Variants in DLGAP2 observed in about 807,000 individuals in gnomAD.
DLGAP2 encodes the protein DLG associated protein 2.
A neutral mutation model predicts 100.3 loss-of-function variants in DLGAP2; 26 were observed. That is an observed-to-expected ratio of 0.26 (90% confidence interval 0.19 to 0.36). DLGAP2 has a LOEUF of 0.36. Ranked by LOEUF, DLGAP2 falls within the 10% of genes least tolerant of loss-of-function variation. DLGAP2 has a pLI of 1.00. For synonymous variants in DLGAP2, 886 were observed against 630.1 expected, an observed-to-expected ratio of 1.41 and a Z score of -6.08; for missense variants, 1,858 against 1,453.2, an observed-to-expected ratio of 1.28 and a Z score of -4.53.
At chr8:947,455 C>T (rs1563108512) in intron 2 of DLGAP2, among the ~76,000 whole-genome samples, 1 of 152,234 alleles carries the variant, frequency 6.6e-6, no homozygotes, top group Non-Finnish European at 1.5e-5. Flanking sequence ...CGGCTCAGCC[C>T]TGCCCTTACA....
intron 2 of DLGAP2, among the ~76,000 whole-genome samples, chr8:1,231,294 C>G (rs1338446237): frequency 1.3e-5 from 2 of 152,198 alleles, no homozygotes; most frequent in Non-Finnish European, 1.5e-5. Flanking sequence ...GAGATACCAT[C>G]TCACGCCAGT....
chr8:1,437,147 C>G (rs1017335824), intron 3 of DLGAP2, among the ~76,000 whole-genome samples: 1 of 149,204 alleles, frequency 6.7e-6, no homozygotes, highest in African/African-American at 2.5e-5. Flanking sequence ...CCATCCGGGT[C>G]TGCGTTCAGC....
intron 2 of DLGAP2, among the ~76,000 whole-genome samples, chr8:1,009,065 GGGGGGCA>G (rs1215078883): frequency 1.3e-5 from 2 of 152,198 alleles, no homozygotes; most frequent in African/African-American, 4.8e-5. Flanking sequence ...GGGCCCTGAT[GGGGGGCA>G]GGCAGGAGTG....
At chr8:809,820 T>C (rs1270861021) in intron 1 of DLGAP2, among the ~76,000 whole-genome samples, 1 of 152,180 alleles carries the variant, frequency 6.6e-6, no homozygotes, top group Non-Finnish European at 1.5e-5. Context: ...GTTTTCTCTG[T>C]TTCTTTGTCC....
chr8:1,431,420 A>T (rs1797433173), intron 3 of DLGAP2, among the ~76,000 whole-genome samples: 1 of 152,246 alleles, frequency 6.6e-6, no homozygotes. Context: ...GCACTGTGTC[A>T]AGCTCAGTTC....
intron 2 of DLGAP2, among the ~76,000 whole-genome samples, chr8:1,115,844 A>C (rs1805098821): frequency 6.6e-6 from 1 of 152,194 alleles, no homozygotes; most frequent in Non-Finnish European, 1.5e-5. Context: ...TCTTCTAGTC[A>C]GTCATTTATC....
rs776447098 is a variant in DLGAP2, at chr8:888,603, CT to C, written c.19-19296del. ...TTGTTTATGCTGTTGTCACTTTCTG[CT>C]TTTTTTTTTTTTCAATAATCCGGTC... On this transcript the variant is annotated intron_variant, in intron 1 of 14. Transcript: ENST00000637795. 7.5e-3 allele frequency among the ~76,000 whole-genome samples: 1,020 copies of C among 136,700 alleles called. 5 individuals are homozygous for C. Among genetic ancestry groups the C allele is most frequent in the Admixed American group, 8.1e-3 (110 of 13,598 alleles). The allele number at this position is 136,700 out of a possible 152,430, so 89.7% of individuals were successfully genotyped here.
intron 8 of DLGAP2, among the ~76,000 whole-genome samples, chr8:1,645,123 G>C (rs1798010161): frequency 1.3e-5 from 2 of 152,204 alleles, no homozygotes; most frequent in African/African-American, 2.4e-5. Context: ...TGAATCAAAT[G>C]AATGAATCAG....
intron 1 of DLGAP2, among the ~76,000 whole-genome samples, chr8:852,663 G>T (rs1340029150): frequency 6.6e-6 from 1 of 152,168 alleles, no homozygotes; most frequent in Non-Finnish European, 1.5e-5. Context: ...TACTGATTAT[G>T]TTCGCAGATG....
At chr8:1,349,458 C>G (rs1166356047) in intron 3 of DLGAP2, among the ~76,000 whole-genome samples, 1 of 110,904 alleles carries the variant, frequency 9.0e-6, no homozygotes, top group Non-Finnish European at 2.0e-5. Flanking sequence ...AGCCTCCTGC[C>G]CACATCCACT....
intron 2 of DLGAP2, among the ~76,000 whole-genome samples, chr8:1,181,959 A>G (rs17065740): frequency 0.29 from 43,427 of 152,146 alleles, 7,626 homozygotes; most frequent in African/African-American, 0.5. Flanking sequence ...TTAGGTGAAC[A>G]TAGATACAGC....
chr8:1,377,367 A>T (rs781201666), intron 3 of DLGAP2, among the ~76,000 whole-genome samples: 23 of 152,154 alleles, frequency 1.5e-4, no homozygotes, highest in Non-Finnish European at 2.5e-4. Flanking sequence ...ATATGGTGAA[A>T]CCCCGTCTCT....
intron 1 of DLGAP2, among the ~76,000 whole-genome samples, chr8:852,052 C>T (rs1585932127): frequency 6.6e-6 from 1 of 152,224 alleles, no homozygotes; most frequent in Admixed American, 6.5e-5. Context: ...ACAACAAAGG[C>T]ATGCAGCCTC....
chr8:1,501,687 C>G (rs1161966154), intron 4 of DLGAP2, among the ~76,000 whole-genome samples: 1 of 152,206 alleles, frequency 6.6e-6, no homozygotes, highest in South Asian at 2.1e-4. Context: ...ATGCATGTCT[C>G]CAGAGGTGAA....
intron 3 of DLGAP2, among the ~76,000 whole-genome samples, chr8:1,437,009 C>G (rs1180650246): frequency 7.1e-6 from 1 of 140,570 alleles, no homozygotes; most frequent in Non-Finnish European, 1.5e-5. Flanking sequence ...CGTGTAGGGG[C>G]GACGCCATCC....
intron 4 of DLGAP2, among the ~76,000 whole-genome samples, chr8:1,537,988 G>A (rs1283135068): frequency 3.3e-5 from 5 of 152,244 alleles, no homozygotes; most frequent in Middle Eastern, 3.4e-3. Context: ...TACTGCGGGG[G>A]GAACAGAGAG....
chr8:1,587,370 G>T (rs1022065393), intron 6 of DLGAP2, among the ~76,000 whole-genome samples: 8 of 152,152 alleles, frequency 5.3e-5, no homozygotes, highest in African/African-American at 1.9e-4. Flanking sequence ...GGCCAGAGAG[G>T]AACTGGCTCT....
At chr8:1,492,314 A>C (rs1413577952) in intron 3 of DLGAP2, among the ~76,000 whole-genome samples, 1 of 152,196 alleles carries the variant, frequency 6.6e-6, no homozygotes, top group Admixed American at 6.5e-5. Context: ...GTCCTAACGG[A>C]GCAGAAATGA....
chr8:1,525,591 C>T (rs1800767496), intron 4 of DLGAP2, among the ~76,000 whole-genome samples: 2 of 152,204 alleles, frequency 1.3e-5, no homozygotes, highest in South Asian at 4.2e-4. Flanking sequence ...TAGTGAATTC[C>T]CAGATCCAAC....
Sources: gnomAD v4.1 joint callset for allele counts (sites outside exome capture counted in the v4.1 genomes callset) on GRCh38, gnomAD v4.1.1 for gene constraint, MANE v1.5 for transcripts, NCBI Gene and HGNC (gene_info 2026-07-23, HGNC 2026-07-21) for gene names.